KIF6: variants seen among roughly 807,000 people sequenced by gnomAD.
The protein encoded by KIF6 is kinesin-like protein KIF6.
KIF6 carries 106 observed loss-of-function variants against 112.7 expected under a neutral mutation model. That is an observed-to-expected ratio of 0.94 (90% CI 0.80 to 1.11). KIF6 has a LOEUF of 1.11. KIF6 is among the 50% of genes least tolerant of loss of function. KIF6 has a pLI of 0.00. For missense variants in KIF6, 929 were observed against 964.0 expected, an observed-to-expected ratio of 0.96 and a Z score of 0.48; for synonymous variants, 339 against 339.9, an observed-to-expected ratio of 1.00 and a Z score of 0.03.
intron 19 of KIF6, among the ~76,000 whole-genome samples, chr6:39,356,153 T>A (rs1764668186): frequency 2.6e-5 from 4 of 152,096 alleles, no homozygotes; most frequent in Admixed American, 2.6e-4. Flanking sequence ...GTCCTTCCAT[T>A]GGGATGTGTC....
At chr6:39,354,660 A>G (rs1764505030) in intron 19 of KIF6, among the ~76,000 whole-genome samples, 1 of 152,164 alleles carries the variant, frequency 6.6e-6, no homozygotes, top group Non-Finnish European at 1.5e-5. Context: ...GTGGTCACTA[A>G]TTGGGTAAGC....
intron 5 of KIF6, among the ~76,000 whole-genome samples, chr6:39,633,198 G>A (rs949097965): frequency 5.3e-5 from 8 of 152,094 alleles, no homozygotes; most frequent in Non-Finnish European, 8.8e-5. Flanking sequence ...TGAAGCAGAC[G>A]TTTTGAAATG....
At chr6:39,679,205 C>T (rs949150701) in intron 3 of KIF6, among the ~76,000 whole-genome samples, 2 of 152,180 alleles carry the variant, frequency 1.3e-5, no homozygotes, top group Admixed American at 6.5e-5. Context: ...ACTGTACCTA[C>T]TTGTGTGGAA....
At chr6:39,621,898 G>A (rs1783839662) in intron 5 of KIF6, among the ~76,000 whole-genome samples, 1 of 152,030 alleles carries the variant, frequency 6.6e-6, no homozygotes, top group South Asian at 2.1e-4. Flanking sequence ...AGGCGTGGTG[G>A]CTCATGCCTG....
At chr6:39,374,936 A>G (rs940676902) in intron 16 of KIF6, among the ~76,000 whole-genome samples, 3 of 152,234 alleles carry the variant, frequency 2.0e-5, no homozygotes, top group African/African-American at 7.2e-5. Context: ...TCATTGTAGC[A>G]TTGTTCACAA....
intron 3 of KIF6, among the ~76,000 whole-genome samples, chr6:39,696,141 G>C (rs984914433): frequency 6.6e-6 from 1 of 152,114 alleles, no homozygotes; most frequent in African/African-American, 2.4e-5. Context: ...GGGGAGTGGA[G>C]GGGAGGAAGG....
rs543436059 is a variant in KIF6 at position 39,560,678 on chromosome 6, A to T, written c.1182-14990T>A. On this transcript the variant is annotated intron_variant, in intron 10 of 22. Coordinates refer to ENST00000287152, the MANE Select transcript of KIF6 (RefSeq NM_145027.6). Reference sequence around the variant, plus strand: ...TTGACTTTATATTATAGATATTCACATACTTATCTCACTTACAAGATTGAA... The same window carrying T: ...TTGACTTTATATTATAGATATTCACTTACTTATCTCACTTACAAGATTGAA... Among the ~76,000 whole-genome samples the T allele has an allele frequency of 4.6e-5, 7 of 152,286 alleles. No homozygotes were observed. The East Asian group carries it at 1.3e-3, about 29-fold the overall frequency.
At chr6:39,525,735 T>C (rs112822321) in intron 13 of KIF6, among the ~76,000 whole-genome samples, 14,288 of 151,974 alleles carry the variant, frequency 0.094, 784 homozygotes, top group Middle Eastern at 0.15. Flanking sequence ...TAAGTTGCAG[T>C]GAGCCGAGAT....
intron 2 of KIF6, among the ~76,000 whole-genome samples, chr6:39,719,975 C>A (rs1460207313): frequency 6.6e-6 from 1 of 151,520 alleles, no homozygotes; most frequent in Non-Finnish European, 1.5e-5. Context: ...AGAGCAGGAC[C>A]CCATCTTAAA....
At position 39,427,453 on chromosome 6, in the gene KIF6, A is replaced by C. The variant is rs1770851239; in HGVS notation, c.1754+3600T>G. On this transcript the variant is annotated intron_variant, in intron 14 of 22. Coordinates refer to ENST00000287152, the MANE Select transcript of KIF6 (RefSeq NM_145027.6). ...AGTTATGAACATGTAATATCTAATA[A>C]TTCAATACTCTCCATCAATGCAAAT... 2.6e-5 allele frequency among the ~76,000 whole-genome samples: 4 copies of C among 152,192 alleles called. No individual in the cohort carries two copies. The South Asian group carries it at 8.3e-4, about 32-fold the overall frequency.
At chr6:39,685,805 G>C (rs924986503) in intron 3 of KIF6, among the ~76,000 whole-genome samples, 5 of 152,174 alleles carry the variant, frequency 3.3e-5, no homozygotes, top group African/African-American at 1.2e-4. Flanking sequence ...CAGAACTGAT[G>C]GTTGAATGGT....
intron 13 of KIF6, among the ~76,000 whole-genome samples, chr6:39,539,677 T>C (rs1778672591): frequency 6.6e-6 from 1 of 152,130 alleles, no homozygotes; most frequent in Non-Finnish European, 1.5e-5. Context: ...CTGCAGATAG[T>C]TCATTTGGAT....
chr6:39,681,471 G>A (rs376127597), intron 3 of KIF6, among the ~76,000 whole-genome samples: 10 of 151,912 alleles, frequency 6.6e-5, no homozygotes, highest in Non-Finnish European at 1.3e-4. Flanking sequence ...TTACCTTAAT[G>A]TTTTAAAAAA....
At chr6:39,544,013 A>G (rs1778934510) in intron 12 of KIF6, among the ~76,000 whole-genome samples, 1 of 152,208 alleles carries the variant, frequency 6.6e-6, no homozygotes, top group African/African-American at 2.4e-5. Flanking sequence ...GTGTAACTCA[A>G]AGCAGTAGAT....
At chr6:39,581,717 T>C (rs1000188064) in intron 9 of KIF6, among the ~76,000 whole-genome samples, 3 of 152,170 alleles carry the variant, frequency 2.0e-5, no homozygotes, top group Non-Finnish European at 4.4e-5. Flanking sequence ...AGAGAGGATG[T>C]CTTAGGTTCA....
intron 13 of KIF6, among the ~76,000 whole-genome samples, chr6:39,490,848 A>G (rs540037804): frequency 1.3e-5 from 2 of 152,322 alleles, no homozygotes; most frequent in South Asian, 4.1e-4. Context: ...ACCCTGTATA[A>G]TAAGAGTAAT....
chr6:39,505,179 A>G (rs1419477410), intron 13 of KIF6, among the ~76,000 whole-genome samples: 2 of 152,092 alleles, frequency 1.3e-5, no homozygotes, highest in Non-Finnish European at 2.9e-5. Context: ...AGAATAGAGA[A>G]CCCAGAAATA....
chr6:39,597,163 C>T (rs1782321293), intron 6 of KIF6, among the ~76,000 whole-genome samples: 2 of 151,896 alleles, frequency 1.3e-5, no homozygotes. Flanking sequence ...CCTATATATT[C>T]AATGCAATTG....
chr6:39,565,564 C>A (rs1411446373), intron 10 of KIF6, among the ~76,000 whole-genome samples: 4 of 152,118 alleles, frequency 2.6e-5, no homozygotes, highest in African/African-American at 4.8e-5. Context: ...CTCTTTAGCC[C>A]ACAGGTTTGT....
Sources: allele counts gnomAD v4.1 joint callset (sites outside exome capture counted in the v4.1 genomes callset), GRCh38; gene constraint gnomAD v4.1.1; transcripts MANE v1.5; gene names NCBI Gene and HGNC (gene_info 2026-07-23, HGNC 2026-07-21).